Variants in POC1A observed in about 807,000 individuals in gnomAD.
The protein encoded by POC1A is POC1 centriolar protein A.
Under a neutral mutation model 47.8 loss-of-function variants are expected in POC1A, and 34 were observed. The ratio of observed to expected loss-of-function variants is 0.71; its 90% confidence interval spans 0.54 to 0.95. The LOEUF (loss-of-function observed/expected upper bound fraction) is 0.95, where lower values mean the gene tolerates loss of function less well. POC1A is among the 40% of genes least tolerant of loss of function. The probability of loss-of-function intolerance (pLI) is 0.00; values close to 1 mark genes in which losing one functional copy is unlikely to be tolerated. For synonymous variants in POC1A, 177 were observed against 207.6 expected (o/e 0.85, Z 1.27); for missense variants, 466 against 528.3 (o/e 0.88, Z 1.16).
intron 9 of POC1A, among the ~76,000 whole-genome samples, chr3:52,103,584 T>A (rs1703070414): frequency 6.6e-6 from 1 of 152,150 alleles, no homozygotes; most frequent in African/African-American, 2.4e-5. Context: ...GATACACATT[T>A]TTCCTGTAAA....
At chr3:52,107,187 GA>G (rs1358426116) in intron 9 of POC1A, among the ~76,000 whole-genome samples, 4 of 152,360 alleles carry the variant, frequency 2.6e-5, no homozygotes, top group African/African-American at 9.6e-5. Context: ...GAGCGGGCTG[GA>G]AAACAACCCC....
chr3:52,113,627 G>A (rs973741575), intron 9 of POC1A, among the ~76,000 whole-genome samples: 1 of 152,114 alleles, frequency 6.6e-6, no homozygotes, highest in African/African-American at 2.4e-5. Flanking sequence ...GCTTGAACTC[G>A]GGAGGCAGAG....
At chr3:52,085,423 C>T (rs1375931710) in intron 10 of POC1A, among the ~76,000 whole-genome samples, 5 of 152,238 alleles carry the variant, frequency 3.3e-5, no homozygotes. Context: ...TGCCCCTTTC[C>T]TATCCAAGAG....
chr3:52,119,392 A>G (rs955561251), intron 9 of POC1A, among the ~76,000 whole-genome samples: 63 of 149,210 alleles, frequency 4.2e-4, no homozygotes, highest in African/African-American at 1.5e-3. Flanking sequence ...GCATCAGAAG[A>G]CTTTTTTTTT....
rs780164701 is a variant in POC1A at position 52,122,378 on chromosome 3, C to T, written c.981+1G>A. 1 of 1,582,472 alleles carries T rather than the reference C, an allele frequency of 6.3e-7. No homozygotes were observed. The highest frequency in any genetic ancestry group is 8.7e-7 in the Non-Finnish European group (1 of 1,151,082). On this transcript the variant is annotated splice_donor_variant, in intron 9 of 10. Coordinates refer to ENST00000296484, the MANE Select transcript of POC1A (RefSeq NM_015426.5). LOFTEE classifies it high-confidence loss of function. Reference sequence around the variant, plus strand: ...CAGGACATGCCTGCCAAGCCACTTACCAGATTCCCCATGGAGCTGGCCAGT... The same window carrying T: ...CAGGACATGCCTGCCAAGCCACTTATCAGATTCCCCATGGAGCTGGCCAGT...
In POC1A at chr3:52,079,462, A is replaced by G. The variant is rs1702219091; in HGVS notation, c.1126-3477T>C. On this transcript the variant is annotated intron_variant, in intron 10 of 10. Coordinates refer to ENST00000296484, the MANE Select transcript of POC1A (RefSeq NM_015426.5). The surrounding 1 kb of genome is among the most constrained non-coding windows in gnomAD (Gnocchi z 4.6). ...ACCTCTGCGGCCTCCCCGGGTCCAC[A>G]CTCCATGGCCTGGAAGCCACGACTT... is the stretch of plus-strand genomic sequence containing the variant. Among the ~76,000 whole-genome samples, 2 of 152,126 alleles carry G rather than the reference A, an allele frequency of 1.3e-5. No individual in the cohort carries two copies. The highest frequency in any genetic ancestry group is 1.3e-4 in the Admixed American group (2 of 15,278).
intron 10 of POC1A, among the ~76,000 whole-genome samples, chr3:52,093,647 G>C (rs1449857244): frequency 1.3e-5 from 2 of 152,214 alleles, no homozygotes; most frequent in African/African-American, 4.8e-5. Context: ...ACTTGCCCAA[G>C]GTCACTGAGC....
rs562144383 is a variant in POC1A at position 52,122,419 on chromosome 3, G to A, written c.941C>T (p.Pro314Leu). The change falls in exon 9 of 11, where the codon CCG (proline) becomes CTG (leucine). Residue 314 changes from proline to leucine, a missense_variant. Pro to Leu is a moderately conservative substitution (Grantham distance 98). Transcript: ENST00000296484. ...IVDHGEVTKV[P>L]RPPATLASSM... ...GCTGGCCAGTGTGGCTGGGGGCCTCGGCACTTTCGTGACTTCTCCATGATC... is the reference window on the plus strand; with the variant it reads ...GCTGGCCAGTGTGGCTGGGGGCCTCAGCACTTTCGTGACTTCTCCATGATC... The A allele has an allele frequency of 1.7e-5, 28 of 1,612,972 alleles. No individual in the cohort carries two copies. Among genetic ancestry groups the A allele is most frequent in the South Asian group, 3.3e-5 (3 of 91,072 alleles).
chr3:52,082,914 AGAGT>A (rs1319481111), intron 10 of POC1A, among the ~76,000 whole-genome samples: 1 of 152,102 alleles, frequency 6.6e-6, no homozygotes, highest in East Asian at 1.9e-4. Context: ...CTACTGACAT[AGAGT>A]AATTAGGTGT....
rs1702601884 is a variant in POC1A, at chr3:52,090,315, A to G, written c.1125+6254T>C. Among the ~76,000 whole-genome samples, 1 of 152,248 alleles carries G rather than the reference A, an allele frequency of 6.6e-6. No homozygotes were observed. The highest frequency in any genetic ancestry group is 2.4e-5 in the African/African-American group (1 of 41,456). ...TCATGGCTCGGTATTTTTAAAAAGCAGCAAGACGTGAAACTGGAGTCAAAA... is the reference window on the plus strand; with the variant it reads ...TCATGGCTCGGTATTTTTAAAAAGCGGCAAGACGTGAAACTGGAGTCAAAA... On this transcript the variant is annotated intron_variant, in intron 10 of 10. Transcript: ENST00000296484. The surrounding 1 kb of genome is among the most constrained non-coding windows in gnomAD (Gnocchi z 4.2).
chr3:52,141,821 C>G (rs548488254), intron 6 of POC1A, among the ~76,000 whole-genome samples: 47 of 152,100 alleles, frequency 3.1e-4, no homozygotes, highest in African/African-American at 1.1e-3. Flanking sequence ...AGACCCCAAC[C>G]CCATCTCTGA....
At chr3:52,144,901 C>G (rs1001863936) in intron 6 of POC1A, among the ~76,000 whole-genome samples, 1 of 152,210 alleles carries the variant, frequency 6.6e-6, no homozygotes, top group Non-Finnish European at 1.5e-5. Context: ...CGGAACCCCA[C>G]ACCTGTGTCC....
intron 9 of POC1A, among the ~76,000 whole-genome samples, chr3:52,099,370 CAG>C (rs1270924629): frequency 2.0e-5 from 3 of 152,180 alleles, no homozygotes; most frequent in Non-Finnish European, 4.4e-5. Context: ...AGCAAGAAAG[CAG>C]AGATAAGAAA....
intron 10 of POC1A, among the ~76,000 whole-genome samples, chr3:52,085,582 G>A (rs909801829): frequency 4.0e-5 from 6 of 148,610 alleles, no homozygotes; most frequent in South Asian, 2.3e-4. Flanking sequence ...CCCTGGCCCC[G>A]CTGCTAGGAT....
chr3:52,150,033 C>T, intron 2 of POC1A, 46 bp from the exon 3 acceptor site: 1 of 1,537,870 alleles, frequency 6.5e-7, no homozygotes, highest in Non-Finnish European at 8.9e-7. Flanking sequence ...TAACAGGCTT[C>T]AAGCCTCCAC....
intron 7 of POC1A, among the ~76,000 whole-genome samples, chr3:52,137,033 A>G (rs977079620): frequency 6.6e-6 from 1 of 152,164 alleles, no homozygotes; most frequent in Non-Finnish European, 1.5e-5. Flanking sequence ...ATGAATCTGT[A>G]TAACTTGCTT....
At chr3:52,146,281 T>C (rs921965922) in intron 5 of POC1A, among the ~76,000 whole-genome samples, 7 of 152,258 alleles carry the variant, frequency 4.6e-5, no homozygotes, top group African/African-American at 1.7e-4. Flanking sequence ...AAGTTGGAGC[T>C]GGTACCCTTC....
intron 7 of POC1A, among the ~76,000 whole-genome samples, chr3:52,135,540 C>A (rs1437578928): frequency 6.6e-6 from 1 of 152,176 alleles, no homozygotes; most frequent in Non-Finnish European, 1.5e-5. Context: ...GAGTGAGCTA[C>A]CACACCTGGC....
chr3:52,125,843 T>C (rs942517175), intron 7 of POC1A, among the ~76,000 whole-genome samples: 2 of 152,216 alleles, frequency 1.3e-5, no homozygotes, highest in African/African-American at 4.8e-5. Flanking sequence ...CGTGACCATC[T>C]GAAGGGGAAT....
Sources: allele counts gnomAD v4.1 joint callset (sites outside exome capture counted in the v4.1 genomes callset), GRCh38; gene constraint gnomAD v4.1.1; non-coding constraint Gnocchi (gnomAD v3.1); transcripts MANE v1.5; gene names NCBI Gene and HGNC (gene_info 2026-07-23, HGNC 2026-07-21).